Variants in ZNF573 observed in about 807,000 individuals in gnomAD.
ZNF573 encodes zinc finger protein 573.
A neutral mutation model predicts 57.4 loss-of-function variants in ZNF573; 41 were observed. The ratio of observed to expected loss-of-function variants is 0.71; its 90% CI spans 0.56 to 0.93. ZNF573 has a LOEUF of 0.93. ZNF573 is among the 40% of genes least tolerant of loss of function. ZNF573 has a pLI of 0.00. For missense variants in ZNF573, 730 were observed against 794.8 expected (o/e 0.92, Z 0.98); for synonymous variants, 249 against 261.0 (o/e 0.95, Z 0.44).
At chr19:37,777,072 G>A (rs1375616929) in intron 1 of ZNF573, among the ~76,000 whole-genome samples, 1 of 152,188 alleles carries the variant, frequency 6.6e-6, no homozygotes, top group African/African-American at 2.4e-5. Context: ...ATGACAAACA[G>A]TATGAAGATT....
At chr19:37,758,244 T>A (rs1404297182) in intron 4 of ZNF573, among the ~76,000 whole-genome samples, 1,029 of 76,622 alleles carry the variant, frequency 0.013, 181 homozygotes, top group African/African-American at 0.052. Flanking sequence ...TATATATATA[T>A]ATATATATAT....
intron 4 of ZNF573, among the ~76,000 whole-genome samples, chr19:37,747,542 A>G (rs565758533): frequency 8.7e-4 from 133 of 152,296 alleles, no homozygotes; most frequent in African/African-American, 3.1e-3. Context: ...AGACTTAACA[A>G]GTTGTTTCTA....
chr19:37,740,775 A>C (rs2045319823), intron 4 of ZNF573: 17 of 328,146 alleles, frequency 5.2e-5, no homozygotes, highest in Non-Finnish European at 6.0e-6. Context: ...TCCTGCAGAT[A>C]CCAAAACCCA....
chr19:37,771,490 C>G (rs1238288709), intron 3 of ZNF573, 74 bp downstream of exon 3: 2 of 1,509,146 alleles, frequency 1.3e-6, no homozygotes, highest in East Asian at 2.4e-5. Context: ...TGAAATATGG[C>G]CTTGAAATTC....
rs187483491 is a variant in ZNF573, at chr19:37,762,393, T to A, written c.295+7612A>T. Reference sequence around the variant, plus strand: ...TGGATGTGGACTGTATATTTGATAATATTCTTAGAGAATTGTGAAATCACT... The same window carrying A: ...TGGATGTGGACTGTATATTTGATAAAATTCTTAGAGAATTGTGAAATCACT... On this transcript the variant is annotated intron_variant, in intron 4 of 4. Coordinates refer to ENST00000536220, the MANE Select transcript of ZNF573 (RefSeq NM_001172690.2). 3.3e-5 allele frequency among the ~76,000 whole-genome samples: 5 copies of A among 152,308 alleles called. No individual in the cohort carries two copies. In the East Asian group the frequency reaches 9.6e-4, roughly 29 times the overall value.
At chr19:37,776,744 G>C (rs1004348747) in intron 1 of ZNF573, among the ~76,000 whole-genome samples, 2 of 152,052 alleles carry the variant, frequency 1.3e-5, no homozygotes, top group African/African-American at 4.8e-5. Flanking sequence ...ATCCAACAGA[G>C]GACTGACATC....
At chr19:37,773,008 A>T in intron 2 of ZNF573, 4 of 973,516 alleles carry the variant, frequency 4.1e-6, no homozygotes, top group Non-Finnish European at 4.9e-6. Context: ...TTTACTCCTT[A>T]GGATAATATT....
intron 4 of ZNF573, chr19:37,740,497 G>A: frequency 2.2e-6 from 1 of 456,102 alleles, no homozygotes; most frequent in Non-Finnish European, 4.2e-6. Flanking sequence ...ACTGAGAGGA[G>A]AGAAACCTTG....
At position 37,739,960 on chromosome 19, in the gene ZNF573, A is replaced by G. The variant is rs1361195894; in HGVS notation, c.530T>C (p.Leu177Pro). The G allele has an allele frequency of 6.2e-7, 1 of 1,614,046 alleles. No homozygotes were observed. Among genetic ancestry groups the G allele is most frequent in the African/African-American group, 1.3e-5 (1 of 74,932 alleles). Residue 177 changes from leucine (L) to proline (P), a missense_variant, in exon 5 of 5, where the codon CTT (leucine) becomes CCT (proline). Transcript: ENST00000536220. Reference sequence around the variant, plus strand: ...AGTATGAAATCTTTGATGTAGAGTAAGTTGATAGCCACTACGAAAGTTCTT... The same window carrying G: ...AGTATGAAATCTTTGATGTAGAGTAGGTTGATAGCCACTACGAAAGTTCTT... ...CGKNFRSGYQ[L>P]TLHQRFHTGE...
intron 4 of ZNF573, among the ~76,000 whole-genome samples, chr19:37,753,103 T>A (rs972352852): frequency 9.9e-5 from 15 of 152,074 alleles, no homozygotes; most frequent in Non-Finnish European, 1.6e-4. Flanking sequence ...AAAAAATTTT[T>A]AAAAAATCAG....
At chr19:37,755,605 A>G (rs1393793428) in intron 4 of ZNF573, among the ~76,000 whole-genome samples, 1 of 152,204 alleles carries the variant, frequency 6.6e-6, no homozygotes, top group Non-Finnish European at 1.5e-5. Flanking sequence ...AACTGTGTAA[A>G]CATTATATAA....
chr19:37,756,245 G>A (rs1358160070), intron 4 of ZNF573, among the ~76,000 whole-genome samples: 1 of 152,220 alleles, frequency 6.6e-6, no homozygotes, highest in Non-Finnish European at 1.5e-5. Context: ...TCGTGGGCCT[G>A]ATGCCACTTA....
chr19:37,769,270 C>T (rs1367865905), intron 4 of ZNF573, among the ~76,000 whole-genome samples: 1 of 151,904 alleles, frequency 6.6e-6, no homozygotes, highest in African/African-American at 2.4e-5. Flanking sequence ...GCCCAGCCTA[C>T]CTGTTTATTT....
At chr19:37,753,846 G>A (rs1012798202) in intron 4 of ZNF573, among the ~76,000 whole-genome samples, 1 of 152,188 alleles carries the variant, frequency 6.6e-6, no homozygotes, top group Non-Finnish European at 1.5e-5. Flanking sequence ...AAGTAAAGGA[G>A]CAATAGGTAC....
chr19:37,770,752 T>C (rs2045648337), intron 3 of ZNF573, among the ~76,000 whole-genome samples: 1 of 144,230 alleles, frequency 6.9e-6, no homozygotes, highest in South Asian at 2.2e-4. Flanking sequence ...CAGAGCAAGA[T>C]CCAGTCTCGA....
intron 4 of ZNF573, among the ~76,000 whole-genome samples, chr19:37,746,293 C>T (rs1003705039): frequency 6.6e-6 from 1 of 152,160 alleles, no homozygotes; most frequent in Non-Finnish European, 1.5e-5. Flanking sequence ...ACTTGATGCT[C>T]ATGGGGGTAC....
In ZNF573 at chr19:37,739,537, G is replaced by C. The variant is rs559535730; in HGVS notation, c.953C>G (p.Thr318Ser). ...GKAFRRGHQL[T>S]VHQRVHTGKK... Reference sequence around the variant, plus strand: ...ACCAGTGTGAACTCTCTGATGTACAGTAAGCTGGTGACCTCTTCTAAAGGC... The same window carrying C: ...ACCAGTGTGAACTCTCTGATGTACACTAAGCTGGTGACCTCTTCTAAAGGC... The change falls in exon 5 of 5, where the codon ACT (threonine) becomes AGT (serine). Residue 318 changes from threonine to serine, a missense_variant. Coordinates refer to ENST00000536220, the MANE Select transcript of ZNF573 (RefSeq NM_001172690.2). The C allele has an allele frequency of 3.3e-5, 54 of 1,612,594 alleles. No individual in the cohort carries two copies. The East Asian group carries it at 1.1e-3, about 33-fold the overall frequency.
Position 37,738,413 on chromosome 19 carries a change from C to A in ZNF573, c.*79G>T. ...ACTCTCTCAATTGCTAAAGCCATAC[C>A]TATAAGACTAACATTCCATCATTTC... On this transcript the variant is annotated 3_prime_UTR_variant, in exon 5 of 5. Coordinates refer to ENST00000536220, the MANE Select transcript of ZNF573 (RefSeq NM_001172690.2). 1 of 1,435,368 alleles carries A rather than the reference C, an allele frequency of 7.0e-7. No individual in the cohort carries two copies. The allele number at this position is 1,435,368 out of a possible 1,614,324, so 88.9% of individuals were successfully genotyped here. A position where few individuals can be genotyped will look rare whatever the true frequency, so the allele number is the denominator to read the frequency against.
rs1037095792 is a variant in ZNF573 at position 37,739,215 on chromosome 19, C to G, written c.1275G>C (p.Leu425Phe). 1 of 1,613,100 alleles carries G rather than the reference C, an allele frequency of 6.2e-7. No individual in the cohort carries two copies. The highest frequency in any genetic ancestry group is 8.5e-7 in the Non-Finnish European group (1 of 1,179,792). The part of the protein sequence containing the change: ...ECKECGKAFS[L>F]YGYLKQHQKI... Reference sequence around the variant, plus strand: ...TCTGATGTTGTTTAAGGTAGCCATACAAGCTAAAGGCCTTTCCGCATTCCT... The same window carrying G: ...TCTGATGTTGTTTAAGGTAGCCATAGAAGCTAAAGGCCTTTCCGCATTCCT... Residue 425 changes from leucine (L) to phenylalanine (F), a missense_variant, in exon 5 of 5, where the codon TTG (leucine) becomes TTC (phenylalanine). Leu to Phe is a conservative substitution (Grantham distance 22). Transcript: ENST00000536220.
Sources: allele counts gnomAD v4.1 joint callset (sites outside exome capture counted in the v4.1 genomes callset), GRCh38; gene constraint gnomAD v4.1.1; transcripts MANE v1.5; gene names NCBI Gene and HGNC (gene_info 2026-07-23, HGNC 2026-07-21).